XRCC4: variants seen among roughly 807,000 people sequenced by gnomAD.
The protein encoded by XRCC4 is X-ray repair cross complementing 4.
Under a neutral mutation model 39.1 loss-of-function variants are expected in XRCC4, and 28 were observed. The ratio of observed to expected loss-of-function variants is 0.72; its 90% confidence interval spans 0.53 to 0.98. The LOEUF (loss-of-function observed/expected upper bound fraction) is 0.98, where lower values mean the gene tolerates loss of function less well. Ranked by LOEUF, XRCC4 falls within the 50% of genes least tolerant of loss-of-function variation. The probability of loss-of-function intolerance (pLI) is 0.00; values close to 1 mark genes in which losing one functional copy is unlikely to be tolerated. For missense variants in XRCC4, 350 were observed against 376.4 expected, an observed-to-expected ratio of 0.93 and a Z score of 0.58; for synonymous variants, 123 against 126.4, an observed-to-expected ratio of 0.97 and a Z score of 0.18.
chr5:83,219,077 C>T (rs1298708318), intron 6 of XRCC4, among the ~76,000 whole-genome samples: 3 of 152,054 alleles, frequency 2.0e-5, no homozygotes, highest in East Asian at 1.9e-4. Context: ...AGGCCTCTCT[C>T]CTTGGCTTAT....
Position 83,353,173 on chromosome 5 carries a change from C to T in XRCC4, c.936C>T (p.Ile312=). 1 of 1,612,546 alleles carries T rather than the reference C, an allele frequency of 6.2e-7. No individual in the cohort carries two copies. The highest frequency in any genetic ancestry group is 1.1e-5 in the South Asian group (1 of 90,940). The change falls in exon 8 of 8, where the codon ATC becomes ATT. Residue 312 remains isoleucine (I), a synonymous_variant. Transcript: ENST00000396027. ...SLPETSKKEH[I]SAENMSLETL... is the part of the protein sequence containing the mutation. ...CTGAGACGTCTAAAAAGGAGCACAT[C>T]TCAGCTGAAAACATGTCTTTAGAAA...
intron 3 of XRCC4, among the ~76,000 whole-genome samples, chr5:83,116,802 A>G (rs563913686): frequency 6.6e-4 from 100 of 151,702 alleles, no homozygotes; most frequent in Admixed American, 1.1e-3. Flanking sequence ...TTGTATTTTT[A>G]GTAGAGACGG....
chr5:83,167,708 C>T (rs1318301084), intron 3 of XRCC4, among the ~76,000 whole-genome samples: 1 of 152,152 alleles, frequency 6.6e-6, no homozygotes, highest in East Asian at 1.9e-4. Flanking sequence ...TCACAGGGAT[C>T]TCAAGATAAG....
chr5:83,268,931 T>A (rs371813380), intron 7 of XRCC4, among the ~76,000 whole-genome samples: 5 of 152,190 alleles, frequency 3.3e-5, no homozygotes, highest in East Asian at 3.8e-4. Flanking sequence ...AAGGAAATCA[T>A]GAAAATGATA....
rs545142539 is a variant in XRCC4, at chr5:83,298,410, G to A, written c.893+39733G>A. On this transcript the variant is annotated intron_variant, in intron 7 of 7. Coordinates refer to ENST00000396027, the MANE Select transcript of XRCC4 (RefSeq NM_003401.5). ...ATCTCTTTATAGTTGTCAATCTAAG[G>A]CTGTATAATTTGATCACAGAGTTTT... Among the ~76,000 whole-genome samples the A allele has an allele frequency of 4.0e-5, 6 of 151,854 alleles. 1 individual carries two copies. In the South Asian group the frequency reaches 8.3e-4, roughly 21 times the overall value.
chr5:83,228,337 G>A (rs1393557725), intron 6 of XRCC4, among the ~76,000 whole-genome samples: 2 of 151,744 alleles, frequency 1.3e-5, no homozygotes, highest in African/African-American at 4.8e-5. Context: ...TTTTACATAA[G>A]GCATCTAGAT....
intron 7 of XRCC4, among the ~76,000 whole-genome samples, chr5:83,269,110 T>C (rs1236689533): frequency 6.6e-6 from 1 of 152,134 alleles, no homozygotes; most frequent in African/African-American, 2.4e-5. Context: ...CTCAAGTATA[T>C]TTTTGGAGTC....
intron 6 of XRCC4, among the ~76,000 whole-genome samples, chr5:83,250,432 A>G (rs918930509): frequency 2.0e-5 from 3 of 152,214 alleles, no homozygotes; most frequent in African/African-American, 7.2e-5. Context: ...ATTTATAGCA[A>G]TCATTGAATA....
At chr5:83,157,517 T>A (rs1749020285) in intron 3 of XRCC4, among the ~76,000 whole-genome samples, 1 of 151,786 alleles carries the variant, frequency 6.6e-6, no homozygotes, top group South Asian at 2.1e-4. Context: ...ATGAAACAGG[T>A]TTGAGAAAAA....
chr5:83,298,365 A>G (rs1755165494), intron 7 of XRCC4, among the ~76,000 whole-genome samples: 1 of 151,986 alleles, frequency 6.6e-6, no homozygotes, highest in Admixed American at 6.6e-5. Context: ...TATGAAAAGA[A>G]ATTTGGTAAA....
intron 6 of XRCC4, among the ~76,000 whole-genome samples, chr5:83,239,990 T>C (rs1752841975): frequency 6.6e-6 from 1 of 151,452 alleles, no homozygotes; most frequent in African/African-American, 2.4e-5. Flanking sequence ...AGACCCTGGC[T>C]CTACAGAGGA....
chr5:83,148,303 T>C lies in XRCC4; in HGVS notation c.315+37100T>C, dbSNP rs867023492. Among the ~76,000 whole-genome samples the C allele has an allele frequency of 1.1e-4, 17 of 152,342 alleles. No individual in the cohort carries two copies. The South Asian group carries it at 1.2e-3, about 11-fold the overall frequency. ...TTGGTGGTTATTGTATTCATCTTAATCTTCTTTGTAGTTCCTTCTTTCTGT... is the reference window on the plus strand; with the variant it reads ...TTGGTGGTTATTGTATTCATCTTAACCTTCTTTGTAGTTCCTTCTTTCTGT... On this transcript the variant is annotated intron_variant, in intron 3 of 7. Coordinates refer to ENST00000396027, the MANE Select transcript of XRCC4 (RefSeq NM_003401.5).
At chr5:83,184,138 G>T (rs184985204) in intron 3 of XRCC4, among the ~76,000 whole-genome samples, 8 of 151,828 alleles carry the variant, frequency 5.3e-5, no homozygotes, top group African/African-American at 1.9e-4. Context: ...GACAATTAAG[G>T]TTTGAAAAAT....
intron 7 of XRCC4, among the ~76,000 whole-genome samples, chr5:83,320,413 C>T (rs1756025653): frequency 6.7e-6 from 1 of 148,750 alleles, no homozygotes; most frequent in Admixed American, 6.7e-5. Context: ...AAATAAAAAC[C>T]ACTCCTGGCG....
intron 7 of XRCC4, among the ~76,000 whole-genome samples, chr5:83,302,162 C>T (rs965189102): frequency 1.3e-5 from 2 of 151,998 alleles, no homozygotes; most frequent in Admixed American, 1.3e-4. Context: ...GGGTGGGATC[C>T]GCTGAGCAAG....
chr5:83,304,620 T>G (rs951341870), intron 7 of XRCC4, among the ~76,000 whole-genome samples: 3 of 152,176 alleles, frequency 2.0e-5, no homozygotes, highest in African/African-American at 7.2e-5. Flanking sequence ...TACCAGAAAA[T>G]GAAGATTTGA....
chr5:83,172,292 C>T (rs771729485), intron 3 of XRCC4, among the ~76,000 whole-genome samples: 5 of 152,092 alleles, frequency 3.3e-5, no homozygotes, highest in Admixed American at 6.6e-5. Flanking sequence ...TGACATCCAT[C>T]GATCAGTTAA....
intron 6 of XRCC4, among the ~76,000 whole-genome samples, chr5:83,219,401 T>C (rs896853517): frequency 2.0e-5 from 3 of 152,092 alleles, no homozygotes; most frequent in African/African-American, 7.2e-5. Context: ...TGGGTTGCTG[T>C]TTTCAAAAGG....
intron 6 of XRCC4, among the ~76,000 whole-genome samples, chr5:83,228,180 A>T (rs914782075): frequency 6.6e-6 from 1 of 152,090 alleles, no homozygotes; most frequent in Non-Finnish European, 1.5e-5. Context: ...ATTTATTAAA[A>T]TGTTATTTAT....
Sources: allele counts gnomAD v4.1 joint callset (sites outside exome capture counted in the v4.1 genomes callset), GRCh38; gene constraint gnomAD v4.1.1; transcripts MANE v1.5; gene names NCBI Gene and HGNC (gene_info 2026-07-23, HGNC 2026-07-21).